Variants in CDK5RAP1 observed in about 807,000 individuals in gnomAD.
CDK5RAP1 encodes CDK5RAP1 mitochondrial tRNA methylthiotransferase, also known as mitochondrial tRNA methylthiotransferase CDK5RAP1.
Under a neutral mutation model 64.5 loss-of-function variants are expected in CDK5RAP1, and 62 were observed. The observed-to-expected ratio is 0.96, with a 90% CI of 0.78 to 1.19. The LOEUF (loss-of-function observed/expected upper bound fraction) is 1.19, where lower values mean the gene tolerates loss of function less well. Ranked by LOEUF, CDK5RAP1 falls within the 50% of genes most tolerant of loss-of-function variation. The pLI, the probability that CDK5RAP1 is intolerant of heterozygous loss-of-function variation, is 0.00. For missense variants in CDK5RAP1, 657 were observed against 735.0 expected, an observed-to-expected ratio of 0.89 and a Z score of 1.23; for synonymous variants, 250 against 261.9, an observed-to-expected ratio of 0.95 and a Z score of 0.44.
intron 8 of CDK5RAP1, among the ~76,000 whole-genome samples, chr20:33,374,496 A>G (rs939501515): frequency 3.3e-5 from 5 of 152,032 alleles, no homozygotes; most frequent in African/African-American, 1.2e-4. Context: ...TAGTGCTGAC[A>G]CTAGGGTCAG....
rs1568732867 is a variant in CDK5RAP1, at chr20:33,396,196, A to G, written c.304+565T>C. 2.6e-5 allele frequency among the ~76,000 whole-genome samples: 4 copies of G among 152,236 alleles called. No homozygotes were observed. The South Asian group carries it at 8.3e-4, about 32-fold the overall frequency. Reference sequence around the variant, plus strand: ...AAATTAAAATGAGGCATCTTCTTACAGTAACTTCATCTTAAATGAAAGCAA... The same window carrying G: ...AAATTAAAATGAGGCATCTTCTTACGGTAACTTCATCTTAAATGAAAGCAA... On this transcript the variant is annotated intron_variant, in intron 2 of 13. Transcript: ENST00000346416.
chr20:33,394,832 C>A lies in CDK5RAP1; in HGVS notation c.408+181G>T, dbSNP rs56132450. ...GCTCCTTGTCTGAAGGCGCACATCA[C>A]CATAAAAGTTTCAAAAACAGCTGGA... On this transcript the variant is annotated intron_variant, in intron 3 of 13. Coordinates refer to ENST00000346416, the MANE Select transcript of CDK5RAP1 (RefSeq NM_016408.4). 6.7e-3 allele frequency among the ~76,000 whole-genome samples: 1,025 copies of A among 152,286 alleles called. 5 individuals are homozygous for A. Among genetic ancestry groups the A allele is most frequent in the Non-Finnish European group, 0.011 (728 of 68,036 alleles).
chr20:33,372,525 G>T, intron 10 of CDK5RAP1, 117 bp downstream of exon 10: 1 of 535,760 alleles, frequency 1.9e-6, no homozygotes, highest in Admixed American at 3.2e-5. Flanking sequence ...AAGAAGAAGA[G>T]CACAAAAGTT....
At chr20:33,388,966 G>A (rs992035974) in intron 5 of CDK5RAP1, among the ~76,000 whole-genome samples, 5 of 152,152 alleles carry the variant, frequency 3.3e-5, no homozygotes, top group Admixed American at 6.5e-5. Flanking sequence ...CGTGACCTCC[G>A]CTCGCTACAA....
At chr20:33,383,361 AC>A (rs1365073333) in intron 7 of CDK5RAP1, 5 of 151,390 alleles carry the variant, frequency 3.3e-5, no homozygotes, top group African/African-American at 1.2e-4. Context: ...TAATCCCAGC[AC>A]TTTGGGAGGC....
In CDK5RAP1 at chr20:33,375,785, C is replaced by G. The variant is rs192171800; in HGVS notation, c.1108-1573G>C. On this transcript the variant is annotated intron_variant, in intron 8 of 13. Transcript: ENST00000346416. ...ACACAAATTTTTTGGTTTCCCAGTG[C>G]AAATAAAAGTTATATTTACTCTATA... Among the ~76,000 whole-genome samples, 52 of 152,198 alleles carry G rather than the reference C, an allele frequency of 3.4e-4. 1 individual carries two copies. Among genetic ancestry groups the G allele is most frequent in the African/African-American group, 1.2e-3 (51 of 41,534 alleles).
At chr20:33,361,502 C>T (rs935579171) in intron 12 of CDK5RAP1, among the ~76,000 whole-genome samples, 2 of 152,078 alleles carry the variant, frequency 1.3e-5, no homozygotes, top group African/African-American at 4.8e-5. Context: ...CACATGTGGC[C>T]TGGAATCCAC....
chr20:33,396,817 A>T lies in CDK5RAP1; in HGVS notation c.248T>A (p.Val83Glu), dbSNP rs766231103. 6.2e-7 allele frequency: 1 copy of T among 1,614,154 alleles called. No homozygotes were observed. The highest frequency in any genetic ancestry group is 2.2e-5 in the East Asian group (1 of 44,890). Residue 83 changes from valine to glutamate, a missense_variant, in exon 2 of 14, where the codon GTG becomes GAG. By Grantham distance (121) the Val-to-Glu change is moderately radical. Coordinates refer to ENST00000346416, the MANE Select transcript of CDK5RAP1 (RefSeq NM_016408.4). The stretch of plus-strand genomic sequence containing the variant: ...CATGAGATAGGGAGGTGGGTCTTCC[A>T]CTTCTGAAGACAGCTTCTCCTGAGG... ...SAPQEKLSSE[V>E]EDPPPYLMMD...
chr20:33,358,930 C>T lies in CDK5RAP1; in HGVS notation c.*113G>A, dbSNP rs1600689535. 5 of 736,950 alleles carry T rather than the reference C, an allele frequency of 6.8e-6. No individual in the cohort carries two copies. The highest frequency in any genetic ancestry group is 4.9e-5 in the East Asian group (2 of 40,428). The allele number at this position is 736,950 out of a possible 1,614,324, so 45.7% of individuals were successfully genotyped here. A position where few individuals can be genotyped will look rare whatever the true frequency, so the allele number is the denominator to read the frequency against. On this transcript the variant is annotated 3_prime_UTR_variant, in exon 14 of 14. Transcript: ENST00000346416. Reference sequence around the variant, plus strand: ...GTTTTCCACTGACATAAAGTTGCTTCGCCCCTTGCAGCTTATCTCCACCTT... The same window carrying T: ...GTTTTCCACTGACATAAAGTTGCTTTGCCCCTTGCAGCTTATCTCCACCTT...
At chr20:33,390,371 A>G (rs1988178406) in intron 5 of CDK5RAP1, among the ~76,000 whole-genome samples, 1 of 152,180 alleles carries the variant, frequency 6.6e-6, no homozygotes, top group South Asian at 2.1e-4. Flanking sequence ...CAGTCACAAA[A>G]AAGACAAAAT....
At chr20:33,397,622 C>T (rs1470954133) in intron 1 of CDK5RAP1, among the ~76,000 whole-genome samples, 2 of 152,230 alleles carry the variant, frequency 1.3e-5, no homozygotes, top group East Asian at 3.8e-4. Context: ...CTGAGGGCAT[C>T]TTCCTTTGAG....
chr20:33,400,417 A>C (rs1220953331), intron 1 of CDK5RAP1, among the ~76,000 whole-genome samples: 1 of 152,110 alleles, frequency 6.6e-6, no homozygotes, highest in Non-Finnish European at 1.5e-5. Context: ...GCCCCTTTCT[A>C]CTCCATAATT....
intron 7 of CDK5RAP1, among the ~76,000 whole-genome samples, chr20:33,381,572 G>A (rs544064614): frequency 1.3e-4 from 20 of 152,184 alleles, no homozygotes; most frequent in African/African-American, 3.6e-4. Context: ...GACTACAGGC[G>A]TGTGTCACCA....
At chr20:33,394,973 C>G (rs911422890) in intron 3 of CDK5RAP1, 40 bp downstream of exon 3, 4 of 1,258,206 alleles carry the variant, frequency 3.2e-6, no homozygotes, top group Non-Finnish European at 4.7e-6. Flanking sequence ...CAGAATCTTG[C>G]CCAGGTCCAG....
chr20:33,392,662 T>G (rs768942248), intron 4 of CDK5RAP1, among the ~76,000 whole-genome samples: 6 of 152,066 alleles, frequency 3.9e-5, no homozygotes, highest in Non-Finnish European at 8.8e-5. Flanking sequence ...CAACACTTGC[T>G]ATAATTTACC....
At chr20:33,378,483 G>C (rs935326829) in intron 8 of CDK5RAP1, among the ~76,000 whole-genome samples, 5 of 152,142 alleles carry the variant, frequency 3.3e-5, no homozygotes, top group African/African-American at 1.2e-4. Flanking sequence ...ATATGACACA[G>C]AGACATGAAG....
chr20:33,367,151 T>G, intron 11 of CDK5RAP1, 143 bp from the exon 12 acceptor site: 1 of 716,896 alleles, frequency 1.4e-6, no homozygotes. Context: ...GGCAAGAGGT[T>G]TCTCTGGCTC....
At position 33,360,419 on chromosome 20, in the gene CDK5RAP1, C is replaced by G. The variant is rs1299048326; in HGVS notation, c.1615G>C (p.Glu539Gln). 10 of 1,613,780 alleles carry G rather than the reference C, an allele frequency of 6.2e-6. No individual in the cohort carries two copies. Among genetic ancestry groups the G allele is most frequent in the African/African-American group, 1.3e-5 (1 of 74,918 alleles). ...GNLKVIFPDA[E>Q]MEDVNNPGLR... is the part of the protein sequence containing the mutation. The stretch of plus-strand genomic sequence containing the variant: ...CCAGGGTTATTGACATCCTCCATCT[C>G]TGCATCAGGGAAGATCACCTTAAGG... The change falls in exon 13 of 14, where the codon GAG becomes CAG. Residue 539 changes from glutamate (E) to glutamine (Q), a missense_variant. Coordinates refer to ENST00000346416, the MANE Select transcript of CDK5RAP1 (RefSeq NM_016408.4).
At chr20:33,397,140 T>G (rs1413870618) in intron 1 of CDK5RAP1, 56 bp from the exon 2 acceptor site, 1 of 1,322,976 alleles carries the variant, frequency 7.6e-7, no homozygotes, top group Non-Finnish European at 1.0e-6. Context: ...GACAGGACAC[T>G]GCTGTGAGCA....
Sources: gnomAD v4.1 joint callset for allele counts (sites outside exome capture counted in the v4.1 genomes callset) on GRCh38, gnomAD v4.1.1 for gene constraint, MANE v1.5 for transcripts, NCBI Gene and HGNC (gene_info 2026-07-23, HGNC 2026-07-21) for gene names.